Variants in SLC25A17 observed in about 807,000 individuals in gnomAD.
SLC25A17 encodes the protein solute carrier family 25 member 17.
A neutral mutation model predicts 38.5 loss-of-function variants in SLC25A17; 26 were observed. The ratio of observed to expected loss-of-function variants is 0.68; its 90% CI spans 0.50 to 0.94. The LOEUF (loss-of-function observed/expected upper bound fraction) is 0.94, where lower values mean the gene tolerates loss of function less well. Ranked by LOEUF, SLC25A17 falls within the 40% of genes least tolerant of loss-of-function variation. The pLI, the probability that SLC25A17 is intolerant of heterozygous loss-of-function variation, is 0.00. For synonymous variants in SLC25A17, 139 were observed against 136.2 expected, an observed-to-expected ratio of 1.02 and a Z score of -0.14; for missense variants, 333 against 372.7, an observed-to-expected ratio of 0.89 and a Z score of 0.88.
At chr22:40,798,660 TAAAAAA>T (rs10640211) in intron 2 of SLC25A17, among the ~76,000 whole-genome samples, 1 of 74,378 alleles carries the variant, frequency 1.3e-5, no homozygotes, top group Non-Finnish European at 2.5e-5. Context: ...CACACATACA[TAAAAAA>T]AAAAAAAAAA....
At chr22:40,798,880 T>C (rs1476727635) in intron 2 of SLC25A17, 143 bp downstream of exon 2, 5 of 562,332 alleles carry the variant, frequency 8.9e-6, no homozygotes, top group Non-Finnish European at 1.6e-5. Context: ...GAGGCGAAGG[T>C]TGCAGTGAGC....
intron 4 of SLC25A17, among the ~76,000 whole-genome samples, chr22:40,781,734 G>A (rs2057296578): frequency 6.6e-6 from 1 of 152,006 alleles, no homozygotes; most frequent in Admixed American, 6.6e-5. Flanking sequence ...AATTTTATGA[G>A]TTCTGAGAGA....
chr22:40,772,669 C>T (rs528608755), intron 8 of SLC25A17, among the ~76,000 whole-genome samples: 12 of 151,664 alleles, frequency 7.9e-5, no homozygotes, highest in South Asian at 2.1e-4. Flanking sequence ...AAGGTCTTGC[C>T]TCTTTAGCCC....
At chr22:40,811,673 A>G (rs559661622) in intron 1 of SLC25A17, among the ~76,000 whole-genome samples, 1 of 152,208 alleles carries the variant, frequency 6.6e-6, no homozygotes, top group African/African-American at 2.4e-5. Context: ...TCACATGGTA[A>G]GAGAGGGAGT....
At chr22:40,783,375 G>A (rs1000228802) in intron 4 of SLC25A17, among the ~76,000 whole-genome samples, 23 of 152,110 alleles carry the variant, frequency 1.5e-4, no homozygotes, top group Non-Finnish European at 3.2e-4. Context: ...CAGCCTCAGT[G>A]GAGAACCACT....
intron 1 of SLC25A17, chr22:40,814,034 A>G (rs1404100116): frequency 6.6e-6 from 1 of 152,234 alleles, no homozygotes; most frequent in African/African-American, 2.4e-5. Context: ...CAGTCAGTAG[A>G]TGTATAGAGC....
rs146405395 is a variant in SLC25A17, at chr22:40,777,299, C to G, written c.526G>C (p.Val176Leu). The G allele has an allele frequency of 6.2e-7, 1 of 1,614,158 alleles. No homozygotes were observed. The highest frequency in any genetic ancestry group is 8.5e-7 in the Non-Finnish European group (1 of 1,180,012). ...WNGTFPSLLL[V>L]FNPAIQFMFY... ...ATGAACTGGATGGCAGGATTGAAGA[C>G]CAACAGCAATGAGGGAAATGTGCCA... Residue 176 changes from valine (V) to leucine (L), a missense_variant, in exon 6 of 9, where the codon GTC becomes CTC. Physicochemically the swap from Val to Leu is conservative, Grantham distance 32 (BLOSUM62 1). Transcript: ENST00000435456.
At chr22:40,774,520 G>A (rs778736692) in intron 7 of SLC25A17, among the ~76,000 whole-genome samples, 2 of 152,030 alleles carry the variant, frequency 1.3e-5, no homozygotes, top group African/African-American at 4.8e-5. Context: ...CACCATGTCC[G>A]GCCTAAGAAA....
intron 4 of SLC25A17, among the ~76,000 whole-genome samples, chr22:40,791,877 C>T (rs966819150): frequency 4.6e-5 from 7 of 152,162 alleles, no homozygotes; most frequent in African/African-American, 1.7e-4. Context: ...AGCAATCCCA[C>T]TTCTGGGTAT....
At chr22:40,811,335 C>T (rs146575061) in intron 1 of SLC25A17, among the ~76,000 whole-genome samples, 1 of 151,858 alleles carries the variant, frequency 6.6e-6, no homozygotes, top group East Asian at 1.9e-4. Flanking sequence ...GAGTGATCTA[C>T]CCGTCTCAGA....
chr22:40,811,368 G>A (rs2145706396), intron 1 of SLC25A17, among the ~76,000 whole-genome samples: 1 of 151,880 alleles, frequency 6.6e-6, no homozygotes, highest in South Asian at 2.1e-4. Flanking sequence ...TGGGATTACA[G>A]GAGTGAGTCA....
At chr22:40,781,332 G>A (rs1023782036) in intron 4 of SLC25A17, among the ~76,000 whole-genome samples, 3 of 150,624 alleles carry the variant, frequency 2.0e-5, no homozygotes, top group African/African-American at 4.9e-5. Flanking sequence ...TGCAAGCTCC[G>A]CCTCCCCGGC....
At chr22:40,818,347 G>A (rs745543897) in intron 1 of SLC25A17, among the ~76,000 whole-genome samples, 1 of 152,144 alleles carries the variant, frequency 6.6e-6, no homozygotes, top group Non-Finnish European at 1.5e-5. Flanking sequence ...CTAGACACCA[G>A]AAGCCCAAGA....
At chr22:40,778,947 A>C (rs776466156) in intron 5 of SLC25A17, 62 bp downstream of exon 5, 2 of 1,380,220 alleles carry the variant, frequency 1.4e-6, no homozygotes, top group Non-Finnish European at 2.1e-6. Flanking sequence ...ATGTGGCAAC[A>C]TATTCCAGAT....
intron 5 of SLC25A17, among the ~76,000 whole-genome samples, chr22:40,778,169 A>ATATCTG (rs2057263622): frequency 1.3e-5 from 2 of 152,246 alleles, no homozygotes; most frequent in Non-Finnish European, 2.9e-5. Flanking sequence ...ATCAGATACC[A>ATATCTG]ATCTGGTGTC....
At chr22:40,806,201 G>A (rs561299728) in intron 1 of SLC25A17, among the ~76,000 whole-genome samples, 1 of 152,320 alleles carries the variant, frequency 6.6e-6, no homozygotes, top group East Asian at 1.9e-4. Context: ...GGAAAGCTGT[G>A]AAGTGGGGAG....
intron 1 of SLC25A17, chr22:40,813,959 A>C (rs1376643212): frequency 6.6e-6 from 1 of 152,546 alleles, no homozygotes; most frequent in African/African-American, 2.4e-5. Flanking sequence ...GGAGCTTCAG[A>C]AAGGTAGAAG....
At chr22:40,814,179 C>G (rs2057611343) in intron 1 of SLC25A17, among the ~76,000 whole-genome samples, 1 of 152,160 alleles carries the variant, frequency 6.6e-6, no homozygotes, top group African/African-American at 2.4e-5. Flanking sequence ...CAGTCCTTAC[C>G]AGAAGACTCT....
chr22:40,804,632 T>C (rs1467087628), intron 1 of SLC25A17, among the ~76,000 whole-genome samples: 1 of 152,234 alleles, frequency 6.6e-6, no homozygotes, highest in East Asian at 1.9e-4. Flanking sequence ...ATTAACCTCT[T>C]GTCAGATGCA....
Sources: allele counts gnomAD v4.1 joint callset (sites outside exome capture counted in the v4.1 genomes callset), GRCh38; gene constraint gnomAD v4.1.1; transcripts MANE v1.5; gene names NCBI Gene and HGNC (gene_info 2026-07-23, HGNC 2026-07-21).